Variants in RHBG observed in about 807,000 individuals in gnomAD.
RHBG encodes the protein Rh family B glycoprotein.
RHBG carries 39 observed loss-of-function variants against 40.1 expected under a neutral mutation model. The ratio of observed to expected loss-of-function variants is 0.97; its 90% CI spans 0.75 to 1.27. The LOEUF is 1.27. Among genes scored for constraint, RHBG ranks in the 50% most tolerant of loss-of-function variants. The pLI is 0.00. For missense variants in RHBG, 549 were observed against 588.1 expected, an observed-to-expected ratio of 0.93 and a Z score of 0.69; for synonymous variants, 237 against 252.5, an observed-to-expected ratio of 0.94 and a Z score of 0.58.
chr1:156,372,901 C>A (rs532292550), intron 1 of RHBG, among the ~76,000 whole-genome samples: 2 of 152,326 alleles, frequency 1.3e-5, no homozygotes, highest in South Asian at 4.1e-4. Flanking sequence ...AAGCAATTCT[C>A]CTGCCTCAGC....
chr1:156,382,261 C>G, intron 7 of RHBG, 60 bp downstream of exon 7: 5 of 1,604,492 alleles, frequency 3.1e-6, no homozygotes, highest in Non-Finnish European at 3.4e-6. Flanking sequence ...CTCTGTCATT[C>G]TCTTTCACTG....
At chr1:156,375,076 T>C (rs1405549081) in intron 1 of RHBG, among the ~76,000 whole-genome samples, 2 of 151,454 alleles carry the variant, frequency 1.3e-5, no homozygotes, top group South Asian at 2.1e-4. Context: ...ACCTCTAATT[T>C]CTTTTTTTTT....
At chr1:156,384,060 C>T (rs1238294212) in intron 8 of RHBG, among the ~76,000 whole-genome samples, 1 of 149,412 alleles carries the variant, frequency 6.7e-6, no homozygotes, top group Non-Finnish European at 1.5e-5. Flanking sequence ...TCTTGAACTC[C>T]TGACCTTAAG....
chr1:156,383,047 C>T (rs1667775856), intron 8 of RHBG, among the ~76,000 whole-genome samples, 178 bp downstream of exon 8: 1 of 152,224 alleles, frequency 6.6e-6, no homozygotes, highest in Admixed American at 6.5e-5. Context: ...GGTGCTTGCT[C>T]CTTTCTGGTG....
chr1:156,377,416 G>A lies in RHBG; in HGVS notation c.303G>A (p.Leu101=). 1.2e-6 allele frequency: 2 copies of A among 1,614,208 alleles called. No homozygotes were observed. Among genetic ancestry groups the A allele is most frequent in the Non-Finnish European group, 1.7e-6 (2 of 1,180,034 alleles). Reference sequence around the variant, plus strand: ...CCTTCCTCCTGGCCGCCTTTGCCCTGCAGTGGTCCACACTGGTCCAGGGCT... The same window carrying A: ...CCTTCCTCCTGGCCGCCTTTGCCCTACAGTGGTCCACACTGGTCCAGGGCT... ...GFTFLLAAFA[L]QWSTLVQGFL... Residue 101 remains leucine, a synonymous_variant, in exon 2 of 10, where the codon CTG becomes CTA. Coordinates refer to ENST00000537040, the MANE Select transcript of RHBG (RefSeq NM_020407.5). This position sits in a 1 kb window ranked among gnomAD's most constrained non-coding sequence, Gnocchi z 4.6.
In RHBG at chr1:156,382,207, T is replaced by C. The variant is rs1278894414; in HGVS notation, c.1112+6T>C. ...CATGAAGCTTACGGAGATGGGTGAGTTTCCTCCCAACCCGTACTGCAGTCG... is the reference window on the plus strand; with the variant it reads ...CATGAAGCTTACGGAGATGGGTGAGCTTCCTCCCAACCCGTACTGCAGTCG... On this transcript the variant is annotated splice_donor_region_variant and intron_variant, in intron 7 of 9. Transcript: ENST00000537040. 7 of 1,613,782 alleles carry C rather than the reference T, an allele frequency of 4.3e-6. No homozygotes were observed. The highest frequency in any genetic ancestry group is 5.9e-6 in the Non-Finnish European group (7 of 1,179,970).
At chr1:156,372,555 G>T (rs1040267552) in intron 1 of RHBG, among the ~76,000 whole-genome samples, 6 of 152,290 alleles carry the variant, frequency 3.9e-5, no homozygotes, top group African/African-American at 1.4e-4. Flanking sequence ...AAGAGGTGGG[G>T]GATGAAGGAT....
In RHBG at chr1:156,377,197, G is replaced by GCC; in HGVS notation, c.188-102_188-101dup. ...AGTTTTATAGGCTCGGCTCAAGGCA[G>GCC]CCCTGGCTGGTGAGAGCCAGGGGCA... On this transcript the variant is annotated intron_variant, in intron 1 of 9. Transcript: ENST00000537040. The surrounding 1 kb of genome is among the most constrained non-coding windows in gnomAD (Gnocchi z 4.6). 1 of 1,306,220 alleles carries GCC rather than the reference G, an allele frequency of 7.7e-7. No individual in the cohort carries two copies. The highest frequency in any genetic ancestry group is 2.3e-5 in the East Asian group (1 of 42,976). 80.9% of individuals were successfully genotyped at this position (1,306,220 alleles called of 1,614,324 possible).
chr1:156,383,937 G>A (rs565745092), intron 8 of RHBG, among the ~76,000 whole-genome samples: 8 of 148,572 alleles, frequency 5.4e-5, no homozygotes, highest in East Asian at 2.0e-4. Flanking sequence ...GGGTTCAAGC[G>A]ATTCTCCTGC....
At chr1:156,374,129 T>C (rs897856281) in intron 1 of RHBG, among the ~76,000 whole-genome samples, 4 of 152,184 alleles carry the variant, frequency 2.6e-5, no homozygotes, top group African/African-American at 7.2e-5. Context: ...AGATTATGGC[T>C]GCATTAGACT....
intron 8 of RHBG, among the ~76,000 whole-genome samples, chr1:156,383,081 G>A (rs1289370004): frequency 2.0e-5 from 3 of 152,310 alleles, no homozygotes; most frequent in South Asian, 4.1e-4. Flanking sequence ...GGGAGTCCGC[G>A]AGGGGTGAGC....
intron 4 of RHBG, among the ~76,000 whole-genome samples, chr1:156,380,337 T>A (rs369265073): frequency 2.0e-5 from 3 of 151,920 alleles, no homozygotes; most frequent in African/African-American, 7.2e-5. Flanking sequence ...CCGAACCTTG[T>A]GATCCGCCTG....
rs1339026048 is a variant in RHBG, at chr1:156,377,552, G to A, written c.374+65G>A. ...CGGGAGGCCCCTGCCCATGGGCCCC[G>A]GATCTAGCCCTGTCCTTCAAGTCTG... On this transcript the variant is annotated intron_variant, in intron 2 of 9. Transcript: ENST00000537040. This position sits in a 1 kb window ranked among gnomAD's most constrained non-coding sequence, Gnocchi z 4.6. 5.1e-5 allele frequency: 77 copies of A among 1,511,920 alleles called. No individual in the cohort carries two copies. Among genetic ancestry groups the A allele is most frequent in the Non-Finnish European group, 6.4e-5 (71 of 1,108,818 alleles). The allele number at this position is 1,511,920 out of a possible 1,614,324, so 93.7% of individuals were successfully genotyped here. A position where few individuals can be genotyped will look rare whatever the true frequency, so the allele number is the denominator to read the frequency against.
chr1:156,378,542 T>C, intron 4 of RHBG, 143 bp downstream of exon 4: 1 of 972,364 alleles, frequency 1.0e-6, no homozygotes, highest in South Asian at 1.7e-5. Flanking sequence ...CTGTGAGAGC[T>C]CTGGGACCTG....
intron 8 of RHBG, among the ~76,000 whole-genome samples, chr1:156,383,982 C>A (rs1469152703): frequency 6.6e-6 from 1 of 151,584 alleles, no homozygotes; most frequent in East Asian, 1.9e-4. Context: ...TACAGGCGAC[C>A]CCCACCACAC....
At chr1:156,378,798 C>T (rs2842850) in intron 4 of RHBG, among the ~76,000 whole-genome samples, 6 of 152,046 alleles carry the variant, frequency 3.9e-5, no homozygotes, top group East Asian at 3.9e-4. Flanking sequence ...GTCTGGTTCC[C>T]GGCAAACAGG....
chr1:156,382,203 T>C lies in RHBG; in HGVS notation c.1112+2T>C. ...CACCCATGAAGCTTACGGAGATGGG[T>C]GAGTTTCCTCCCAACCCGTACTGCA... On this transcript the variant is annotated splice_donor_variant, in intron 7 of 9. Transcript: ENST00000537040. LOFTEE classifies it high-confidence loss of function. The C allele has an allele frequency of 1.2e-6, 2 of 1,613,956 alleles. No homozygotes were observed. Among genetic ancestry groups the C allele is most frequent in the Non-Finnish European group, 8.5e-7 (1 of 1,179,968 alleles).
intron 1 of RHBG, among the ~76,000 whole-genome samples, chr1:156,372,204 G>A (rs1335526845): frequency 4.6e-5 from 7 of 152,224 alleles, no homozygotes; most frequent in Admixed American, 3.3e-4. Context: ...CTGGAAGGAC[G>A]CTGAGAGCCC....
chr1:156,372,980 C>T (rs1260414515), intron 1 of RHBG, among the ~76,000 whole-genome samples: 2 of 152,200 alleles, frequency 1.3e-5, no homozygotes, highest in Non-Finnish European at 2.9e-5. Flanking sequence ...AAATCGAGCT[C>T]TGCTAGATGC....
Sources: gnomAD v4.1 joint callset for allele counts (sites outside exome capture counted in the v4.1 genomes callset) on GRCh38, gnomAD v4.1.1 for gene constraint, Gnocchi (gnomAD v3.1) non-coding constraint, MANE v1.5 for transcripts, NCBI Gene and HGNC (gene_info 2026-07-23, HGNC 2026-07-21) for gene names.